The following PTCD1 variants were observed in gnomAD, a reference collection of about 807,000 sequenced individuals.
PTCD1 encodes pentatricopeptide repeat domain 1.
PTCD1 carries 50 observed loss-of-function variants against 53.4 expected under a neutral mutation model. That is an observed-to-expected ratio of 0.94 (90% CI 0.75 to 1.19). The LOEUF (loss-of-function observed/expected upper bound fraction) is 1.19. Ranked by LOEUF, PTCD1 falls within the 50% of genes most tolerant of loss-of-function variation. The pLI is 0.00. For missense variants in PTCD1, 918 were observed against 904.8 expected, an observed-to-expected ratio of 1.01 and a Z score of -0.19; for synonymous variants, 413 against 394.8, an observed-to-expected ratio of 1.05 and a Z score of -0.55.
chr7:99,417,867 G>C lies in PTCD1; in HGVS notation c.*2100C>G. The C allele has an allele frequency of 7.2e-7, 1 of 1,390,138 alleles. No homozygotes were observed. Among genetic ancestry groups the C allele is most frequent in the Non-Finnish European group, 9.4e-7 (1 of 1,067,856 alleles). The allele number at this position is 1,390,138 out of a possible 1,614,324, so 86.1% of individuals were successfully genotyped here. ...CTCACTTAGGAAATGGTGGTGGGGA[G>C]CCCTAATCCCAAGGTGGTGGCAGGG... On this transcript the variant is annotated 3_prime_UTR_variant, in exon 8 of 8. Coordinates refer to ENST00000292478, the MANE Select transcript of PTCD1 (RefSeq NM_015545.4).
At chr7:99,422,713 G>T (rs1795869721) in intron 7 of PTCD1, among the ~76,000 whole-genome samples, 1 of 152,206 alleles carries the variant, frequency 6.6e-6, no homozygotes, top group South Asian at 2.1e-4. Context: ...CTACCTGGGA[G>T]CCAGATATGT....
chr7:99,438,705 C>T lies in PTCD1; in HGVS notation c.-40G>A. 3 of 1,289,728 alleles carry T rather than the reference C, an allele frequency of 2.3e-6. No individual in the cohort carries two copies. Among genetic ancestry groups the T allele is most frequent in the Non-Finnish European group, 3.0e-6 (3 of 992,634 alleles). The allele number at this position is 1,289,728 out of a possible 1,614,324, so 79.9% of individuals were successfully genotyped here. ...ACAGGAACTCACTTGAAGTGTCCGG[C>T]GCAGTGCACTCCGACGGGGAGCCCT... On this transcript the variant is annotated 5_prime_UTR_variant, in exon 1 of 8. Transcript: ENST00000292478.
intron 2 of PTCD1, among the ~76,000 whole-genome samples, chr7:99,434,561 G>T: frequency 6.7e-6 from 1 of 149,064 alleles, no homozygotes; most frequent in African/African-American, 2.5e-5. Flanking sequence ...GGAGTCTAGT[G>T]GTAAGATCAG....
At chr7:99,421,721 C>T (rs2150946447) in intron 7 of PTCD1, among the ~76,000 whole-genome samples, 1 of 152,252 alleles carries the variant, frequency 6.6e-6, no homozygotes, top group East Asian at 1.9e-4. Context: ...CATCACTGCA[C>T]TCCAGCCTGG....
chr7:99,428,267 G>A (rs1796129592), intron 5 of PTCD1, among the ~76,000 whole-genome samples: 1 of 152,062 alleles, frequency 6.6e-6, no homozygotes, highest in Admixed American at 6.6e-5. Flanking sequence ...GCTGGGCATG[G>A]TGGTGGGCGC....
chr7:99,417,378 G>A lies in PTCD1; in HGVS notation c.*2589C>T, dbSNP rs767171153. ...TGAATGCTTTTTTTGATCAAGGGTG[G>A]GGAAGGTTTTTAGACCATGGCCTGA... On this transcript the variant is annotated 3_prime_UTR_variant, in exon 8 of 8. Coordinates refer to ENST00000292478, the MANE Select transcript of PTCD1 (RefSeq NM_015545.4). 6.3e-6 allele frequency: 10 copies of A among 1,586,136 alleles called. No homozygotes were observed. The highest frequency in any genetic ancestry group is 8.7e-6 in the Non-Finnish European group (10 of 1,155,842).
intron 3 of PTCD1, among the ~76,000 whole-genome samples, chr7:99,431,015 C>A (rs1796229699): frequency 6.6e-6 from 1 of 152,000 alleles, no homozygotes; most frequent in Non-Finnish European, 1.5e-5. Flanking sequence ...GTGGAGGTTG[C>A]ATTGAGCCGA....
At chr7:99,437,391 G>A (rs1796522974) in intron 1 of PTCD1, among the ~76,000 whole-genome samples, 1 of 149,176 alleles carries the variant, frequency 6.7e-6, no homozygotes, top group Non-Finnish European at 1.5e-5. Flanking sequence ...TGCAATTTCC[G>A]CCTCCCGGAT....
intron 3 of PTCD1, among the ~76,000 whole-genome samples, chr7:99,432,565 A>G (rs1264881045): frequency 6.6e-6 from 1 of 152,126 alleles, no homozygotes; most frequent in Non-Finnish European, 1.5e-5. Context: ...TACTGAGGGA[A>G]CTCAAGAGAC....
Position 99,426,721 on chromosome 7 carries a change from A to G in PTCD1, c.916-1105T>C, listed in dbSNP as rs565913578. Among the ~76,000 whole-genome samples the G allele has an allele frequency of 3.5e-4, 51 of 146,476 alleles. 1 individual carries two copies. The South Asian group carries it at 0.01, about 30-fold the overall frequency. On this transcript the variant is annotated intron_variant, in intron 5 of 7. Transcript: ENST00000292478. Reference sequence around the variant, plus strand: ...TCTCTGCCCAGCCGCCATCCCATCTAGGAAGTGAGGAGCGCCTCTTCCCGG... The same window carrying G: ...TCTCTGCCCAGCCGCCATCCCATCTGGGAAGTGAGGAGCGCCTCTTCCCGG...
At chr7:99,427,464 C>T (rs1229025634) in intron 5 of PTCD1, among the ~76,000 whole-genome samples, 15 of 149,232 alleles carry the variant, frequency 1.0e-4, no homozygotes, top group Admixed American at 5.3e-4. Context: ...CCAGCCGCCC[C>T]GTCCGGGAGG....
At chr7:99,423,056 T>C (rs1476291405) in intron 7 of PTCD1, among the ~76,000 whole-genome samples, 1 of 151,788 alleles carries the variant, frequency 6.6e-6, no homozygotes, top group Non-Finnish European at 1.5e-5. Context: ...CTTTCGCCTA[T>C]TAAACTTCAG....
rs1422687623 is a variant in PTCD1 at position 99,423,237 on chromosome 7, C to T, written c.1920+538G>A. Reference sequence around the variant, plus strand: ...CAAGCGACAACCTGTTTGGAGTACCCAGCAACGTGCAGGTGCTGGGGACCC... The same window carrying T: ...CAAGCGACAACCTGTTTGGAGTACCTAGCAACGTGCAGGTGCTGGGGACCC... On this transcript the variant is annotated intron_variant, in intron 7 of 7. Transcript: ENST00000292478. 7.2e-5 allele frequency among the ~76,000 whole-genome samples: 11 copies of T among 152,290 alleles called. No individual in the cohort carries two copies. In the East Asian group the frequency reaches 2.1e-3, roughly 29 times the overall value.
chr7:99,430,484 C>T (rs1365879842), intron 3 of PTCD1, among the ~76,000 whole-genome samples: 1 of 152,232 alleles, frequency 6.6e-6, no homozygotes, highest in Admixed American at 6.5e-5. Flanking sequence ...AGAAAGAACC[C>T]TGCTAGAGTC....
Position 99,419,408 on chromosome 7 carries a change from C to T in PTCD1, c.*559G>A. 4 of 1,613,148 alleles carry T rather than the reference C, an allele frequency of 2.5e-6. No individual in the cohort carries two copies. The highest frequency in any genetic ancestry group is 2.5e-6 in the Non-Finnish European group (3 of 1,180,010). On this transcript the variant is annotated 3_prime_UTR_variant, in exon 8 of 8. Coordinates refer to ENST00000292478, the MANE Select transcript of PTCD1 (RefSeq NM_015545.4). ...CGTTGCAGGGCCGCATCATCGAGTGCACACACTGTGGCTGTCGTGGCTGCT... is the reference window on the plus strand; with the variant it reads ...CGTTGCAGGGCCGCATCATCGAGTGTACACACTGTGGCTGTCGTGGCTGCT...
In PTCD1 at chr7:99,425,196, C is replaced by T. The variant is rs373000640; in HGVS notation, c.1336G>A (p.Gly446Arg). 6.8e-6 allele frequency: 11 copies of T among 1,612,672 alleles called. No individual in the cohort carries two copies. Among genetic ancestry groups the T allele is most frequent in the African/African-American group, 1.3e-5 (1 of 74,900 alleles). Residue 446 changes from glycine (G) to arginine (R), a missense_variant, in exon 6 of 8, where the codon GGG (glycine) becomes AGG (arginine). Gly to Arg is a moderately radical substitution (Grantham distance 125, BLOSUM62 -2). Coordinates refer to ENST00000292478, the MANE Select transcript of PTCD1 (RefSeq NM_015545.4). ...GAGACCACTGTAGGGGGAACGGCCCCGGGGGTCAGGAGGTTGACTTCCAGC... is the reference window on the plus strand; with the variant it reads ...GAGACCACTGTAGGGGGAACGGCCCTGGGGGTCAGGAGGTTGACTTCCAGC... ...VELEVNLLTP[G>R]AVPPTVVSFG... is the part of the protein sequence containing the mutation.
At chr7:99,423,266 T>C (rs962076875) in intron 7 of PTCD1, among the ~76,000 whole-genome samples, 2 of 152,078 alleles carry the variant, frequency 1.3e-5, no homozygotes, top group African/African-American at 4.8e-5. Context: ...GGGACCCAGA[T>C]GAGCACAGCA....
chr7:99,429,657 T>C lies in PTCD1; in HGVS notation c.744A>G (p.Lys248=). Residue 248 remains lysine (K), a synonymous_variant, in exon 4 of 8, where the codon AAA becomes AAG. Coordinates refer to ENST00000292478, the MANE Select transcript of PTCD1 (RefSeq NM_015545.4). The part of the protein sequence containing the change: ...LQAKNFELNL[K]TYHALLKMAA... ...CCATCTTCAGCAGCGCGTGGTATGTTTTCAAGTTGAGCTCGAAGTTTTTGG... is the reference window on the plus strand; with the variant it reads ...CCATCTTCAGCAGCGCGTGGTATGTCTTCAAGTTGAGCTCGAAGTTTTTGG... The C allele has an allele frequency of 6.2e-7, 1 of 1,614,208 alleles. No homozygotes were observed. Among genetic ancestry groups the C allele is most frequent in the Non-Finnish European group, 8.5e-7 (1 of 1,180,038 alleles).
chr7:99,417,237 G>A lies in PTCD1; in HGVS notation c.*2730C>T. On this transcript the variant is annotated 3_prime_UTR_variant, in exon 8 of 8. Coordinates refer to ENST00000292478, the MANE Select transcript of PTCD1 (RefSeq NM_015545.4). ...CCGAGTAATTTTTGTATTTTTAGTAGAGACGGGGTTTTACCATGTTGGCCG... is the reference window on the plus strand; with the variant it reads ...CCGAGTAATTTTTGTATTTTTAGTAAAGACGGGGTTTTACCATGTTGGCCG... 3.8e-6 allele frequency: 2 copies of A among 523,370 alleles called. No homozygotes were observed. The highest frequency in any genetic ancestry group is 4.0e-5 in the South Asian group (2 of 49,994). The allele number at this position is 523,370 out of a possible 1,614,324, so 32.4% of individuals were successfully genotyped here. A position where few individuals can be genotyped will look rare whatever the true frequency, so the allele number is the denominator to read the frequency against.
Sources: allele counts gnomAD v4.1 joint callset (sites outside exome capture counted in the v4.1 genomes callset), GRCh38; gene constraint gnomAD v4.1.1; transcripts MANE v1.5; gene names NCBI Gene and HGNC (gene_info 2026-07-23, HGNC 2026-07-21).